Variants in EBF2 observed in about 807,000 individuals in gnomAD.
EBF2 encodes the protein EBF transcription factor 2, also known as transcription factor COE2.
In EBF2, 21 loss-of-function variants were observed where a neutral mutation model predicts 72.8. The observed-to-expected ratio is 0.29, with a 90% confidence interval of 0.20 to 0.42. The LOEUF is 0.42. Among genes scored for constraint, EBF2 ranks in the 10% least tolerant of loss-of-function variants. The pLI is 1.00. For missense variants in EBF2, 637 were observed against 731.2 expected, an observed-to-expected ratio of 0.87 and a Z score of 1.49; for synonymous variants, 299 against 274.2, an observed-to-expected ratio of 1.09 and a Z score of -0.89.
chr8:25,935,879 T>C (rs1263653764), intron 6 of EBF2, among the ~76,000 whole-genome samples: 1 of 152,182 alleles, frequency 6.6e-6, no homozygotes, highest in East Asian at 1.9e-4. Flanking sequence ...CTAACCCTGT[T>C]TGTGTGGCAA....
At chr8:25,983,501 T>A (rs545522854) in intron 6 of EBF2, among the ~76,000 whole-genome samples, 4 of 152,298 alleles carry the variant, frequency 2.6e-5, no homozygotes, top group Admixed American at 2.6e-4. Flanking sequence ...CAGCGCTGCC[T>A]CCAATGAGAA....
chr8:26,034,467 A>G (rs17818797), intron 5 of EBF2, among the ~76,000 whole-genome samples: 57,081 of 152,080 alleles, frequency 0.38, 11,848 homozygotes, highest in Middle Eastern at 0.51. Context: ...GGCAATTACA[A>G]CAAACAGAAA....
At chr8:25,907,276 A>C (rs1478283809) in intron 7 of EBF2, among the ~76,000 whole-genome samples, 1 of 151,164 alleles carries the variant, frequency 6.6e-6, no homozygotes, top group Non-Finnish European at 1.5e-5. Flanking sequence ...AAAAATTAGC[A>C]GGGCATGATG....
chr8:25,924,712 G>A (rs960699474), intron 6 of EBF2, among the ~76,000 whole-genome samples: 2 of 152,186 alleles, frequency 1.3e-5, no homozygotes, highest in African/African-American at 4.8e-5. Flanking sequence ...GGGCCAAATG[G>A]CTTTCATTAG....
At chr8:25,857,720 A>G (rs534376795) in intron 14 of EBF2, among the ~76,000 whole-genome samples, 3 of 152,320 alleles carry the variant, frequency 2.0e-5, no homozygotes, top group Admixed American at 1.3e-4. Context: ...CTGTCTCAAT[A>G]TATCACATGA....
chr8:25,884,614 T>C (rs1391278214), intron 10 of EBF2, among the ~76,000 whole-genome samples: 4 of 152,198 alleles, frequency 2.6e-5, no homozygotes, highest in African/African-American at 9.7e-5. Flanking sequence ...GGACTTTACC[T>C]TCCTCCCTTC....
intron 6 of EBF2, among the ~76,000 whole-genome samples, chr8:26,025,334 C>A (rs772640818): frequency 6.6e-6 from 1 of 152,044 alleles, no homozygotes; most frequent in Non-Finnish European, 1.5e-5. Context: ...TCCATGAGAG[C>A]GGGAACCATG....
At chr8:25,852,099 C>T (rs1358064427) in intron 14 of EBF2, among the ~76,000 whole-genome samples, 1 of 152,140 alleles carries the variant, frequency 6.6e-6, no homozygotes, top group African/African-American at 2.4e-5. Flanking sequence ...GTACATCTGT[C>T]TTTCCTCATA....
chr8:25,997,388 T>C (rs1037918837), intron 6 of EBF2, among the ~76,000 whole-genome samples: 2 of 151,944 alleles, frequency 1.3e-5, no homozygotes, highest in Non-Finnish European at 2.9e-5. Context: ...CTGGGCAACA[T>C]AGCGAGACCC....
At chr8:25,983,049 C>T (rs954130942) in intron 6 of EBF2, among the ~76,000 whole-genome samples, 2 of 152,066 alleles carry the variant, frequency 1.3e-5, no homozygotes, top group Non-Finnish European at 2.9e-5. Context: ...CTTAGCTAAC[C>T]TCCAGTGGAA....
intron 6 of EBF2, among the ~76,000 whole-genome samples, chr8:26,020,984 T>C (rs1805195640): frequency 6.6e-6 from 1 of 152,238 alleles, no homozygotes; most frequent in Admixed American, 6.5e-5. Flanking sequence ...CCTTTAACTC[T>C]GTGCAATTTA....
intron 14 of EBF2, 130 bp from the exon 15 acceptor site, chr8:25,850,891 AG>A: frequency 3.9e-6 from 4 of 1,014,110 alleles, no homozygotes; most frequent in Non-Finnish European, 5.5e-6. Flanking sequence ...AAAAAAAAAA[AG>A]TTGAATGTGA....
intron 6 of EBF2, among the ~76,000 whole-genome samples, chr8:26,018,496 CAAA>C (rs10555042): frequency 0.02 from 1,658 of 81,618 alleles, 31 homozygotes; most frequent in African/African-American, 0.078. Flanking sequence ...ACTAAAAATA[CAAA>C]AAAAAAAAAA....
intron 6 of EBF2, among the ~76,000 whole-genome samples, chr8:25,983,005 G>T (rs1804387509): frequency 6.6e-6 from 1 of 151,914 alleles, no homozygotes; most frequent in African/African-American, 2.4e-5. Context: ...TAAAAAATAA[G>T]ATTCAAAGCG....
Position 26,044,706 on chromosome 8 carries a change from T to C in EBF2, c.131+23A>G. The C allele has an allele frequency of 6.2e-7, 1 of 1,612,444 alleles. No individual in the cohort carries two copies. Among genetic ancestry groups the C allele is most frequent in the Non-Finnish European group, 8.5e-7 (1 of 1,178,942 alleles). On this transcript the variant is annotated intron_variant, in intron 1 of 15. Coordinates refer to ENST00000520164, the MANE Select transcript of EBF2 (RefSeq NM_022659.4). The surrounding 1 kb of genome is among the most constrained non-coding windows in gnomAD (Gnocchi z 4.1). ...ACCGTAAGAGCGAGAGACAGCATAATAATTGCGCGGCCGTGTCGTTACCTC... is the reference window on the plus strand; with the variant it reads ...ACCGTAAGAGCGAGAGACAGCATAACAATTGCGCGGCCGTGTCGTTACCTC...
intron 6 of EBF2, among the ~76,000 whole-genome samples, chr8:26,005,786 G>A (rs1321542360): frequency 2.7e-5 from 4 of 145,492 alleles, no homozygotes; most frequent in African/African-American, 7.7e-5. Flanking sequence ...AGCCAAGATC[G>A]CACCACTGCA....
At chr8:25,957,455 C>T (rs193220108) in intron 6 of EBF2, among the ~76,000 whole-genome samples, 103 of 152,280 alleles carry the variant, frequency 6.8e-4, no homozygotes, top group African/African-American at 2.2e-3. Context: ...TCCCCTCCCC[C>T]GCAGGCCACC....
chr8:25,851,450 A>C (rs1801970966), intron 14 of EBF2, among the ~76,000 whole-genome samples: 1 of 152,230 alleles, frequency 6.6e-6, no homozygotes, highest in Non-Finnish European at 1.5e-5. Flanking sequence ...AAGGGAAGAC[A>C]AAAGCCAAGC....
At chr8:25,968,517 A>G (rs1804146360) in intron 6 of EBF2, among the ~76,000 whole-genome samples, 1 of 152,186 alleles carries the variant, frequency 6.6e-6, no homozygotes, top group African/African-American at 2.4e-5. Flanking sequence ...GGTGGTTGCC[A>G]GTAGCTGGGG....
Sources: allele counts gnomAD v4.1 joint callset (sites outside exome capture counted in the v4.1 genomes callset), GRCh38; gene constraint gnomAD v4.1.1; non-coding constraint Gnocchi (gnomAD v3.1); transcripts MANE v1.5; gene names NCBI Gene and HGNC (gene_info 2026-07-23, HGNC 2026-07-21).